The following LAMA2 variants were observed in gnomAD, a reference collection of about 807,000 sequenced individuals.
LAMA2 encodes the protein laminin subunit alpha-2.
Under a neutral mutation model 364.8 loss-of-function variants are expected in LAMA2, and 269 were observed. The observed-to-expected ratio is 0.74, with a 90% CI of 0.67 to 0.82. LAMA2 has a LOEUF of 0.82. LAMA2 is among the 40% of genes least tolerant of loss of function. The pLI is 0.00. For missense variants in LAMA2, 3,807 were observed against 3,873.2 expected (o/e 0.98, Z 0.45); for synonymous variants, 1,379 against 1,370.6 (o/e 1.01, Z -0.14).
rs1029436082 is a variant in LAMA2, at chr6:129,463,294, G to A, written c.6993-996G>A. Among the ~76,000 whole-genome samples the A allele has an allele frequency of 2.0e-5, 3 of 151,996 alleles. No homozygotes were observed. In the East Asian group the frequency reaches 5.8e-4, roughly 29 times the overall value. ...CTTTTTTAGTAAATGCATTCAGAAT[G>A]AATAGGATAACTCTATTCTATTCTA... On this transcript the variant is annotated intron_variant, in intron 49 of 64. Transcript: ENST00000421865.
chr6:129,359,770 C>T (rs999540301), intron 32 of LAMA2, among the ~76,000 whole-genome samples: 2 of 152,082 alleles, frequency 1.3e-5, no homozygotes, highest in Non-Finnish European at 2.9e-5. Context: ...TTCAAAAATA[C>T]TCAGTGTCCT....
chr6:129,373,045 C>A (rs1778176505), intron 34 of LAMA2, among the ~76,000 whole-genome samples: 2 of 152,092 alleles, frequency 1.3e-5, no homozygotes, highest in Non-Finnish European at 2.9e-5. Flanking sequence ...AGTCCTTTAT[C>A]AGATATGTCT....
chr6:129,125,428 T>C (rs960690733), intron 4 of LAMA2, among the ~76,000 whole-genome samples: 2 of 152,126 alleles, frequency 1.3e-5, no homozygotes, highest in Non-Finnish European at 2.9e-5. Flanking sequence ...AGTAACAGTC[T>C]GAGAACTGAG....
At chr6:129,124,243 G>A (rs1309589565) in intron 4 of LAMA2, among the ~76,000 whole-genome samples, 1 of 152,158 alleles carries the variant, frequency 6.6e-6, no homozygotes, top group Non-Finnish European at 1.5e-5. Context: ...TTGAAACCAG[G>A]TGCACAGACC....
At chr6:129,259,008 T>C (rs900308488) in intron 14 of LAMA2, among the ~76,000 whole-genome samples, 2 of 152,070 alleles carry the variant, frequency 1.3e-5, no homozygotes, top group Non-Finnish European at 2.9e-5. Context: ...GTTTAGAGGG[T>C]GCCATCTGGC....
At chr6:129,165,409 C>A (rs1269058678) in intron 8 of LAMA2, among the ~76,000 whole-genome samples, 167 bp from the exon 9 acceptor site, 1 of 151,910 alleles carries the variant, frequency 6.6e-6, no homozygotes, top group Non-Finnish European at 1.5e-5. Flanking sequence ...TGTAAAAGAA[C>A]TGGATTTTAG....
chr6:129,176,401 T>C (rs1021761944), intron 9 of LAMA2, among the ~76,000 whole-genome samples: 1 of 152,024 alleles, frequency 6.6e-6, no homozygotes, highest in Non-Finnish European at 1.5e-5. Flanking sequence ...AATCACAAAC[T>C]ATGGTAAATA....
intron 5 of LAMA2, 43 bp downstream of exon 5, chr6:129,144,123 C>T (rs1462121740): frequency 6.1e-6 from 9 of 1,473,394 alleles, no homozygotes; most frequent in Non-Finnish European, 8.5e-6. Flanking sequence ...AATGATATCC[C>T]ACTTATCTTT....
chr6:129,418,628 A>G (rs1780920001), intron 40 of LAMA2, among the ~76,000 whole-genome samples: 1 of 152,070 alleles, frequency 6.6e-6, no homozygotes, highest in Non-Finnish European at 1.5e-5. Flanking sequence ...ATTAGGTTCA[A>G]GTTGTGTTCT....
At chr6:129,442,488 C>T (rs1327382413) in intron 43 of LAMA2, among the ~76,000 whole-genome samples, 1 of 152,168 alleles carries the variant, frequency 6.6e-6, no homozygotes, top group Non-Finnish European at 1.5e-5. Context: ...TCAAATATTA[C>T]TATCTCTGCT....
intron 3 of LAMA2, among the ~76,000 whole-genome samples, chr6:129,064,908 T>A (rs1057058718): frequency 1.3e-5 from 2 of 152,132 alleles, no homozygotes; most frequent in African/African-American, 4.8e-5. Flanking sequence ...CCAAACTTAT[T>A]TTATGAGGCC....
At chr6:129,481,208 CTTAT>C in intron 54 of LAMA2, 51 bp from the exon 55 acceptor site, 1 of 1,412,916 alleles carries the variant, frequency 7.1e-7, no homozygotes. Flanking sequence ...AGATGGAGAA[CTTAT>C]TTAAATTTTC....
intron 1 of LAMA2, among the ~76,000 whole-genome samples, chr6:129,010,905 A>G (rs138981492): frequency 1.0e-3 from 156 of 152,318 alleles, no homozygotes; most frequent in Non-Finnish European, 1.9e-3. Flanking sequence ...TACTGTGTAT[A>G]CATATACACC....
chr6:129,442,191 G>T (rs1262424082), intron 43 of LAMA2: 1 of 1,319,246 alleles, frequency 7.6e-7, no homozygotes, highest in Non-Finnish European at 1.0e-6. Context: ...TTTGAGTGGG[G>T]AATGGAGCCT....
intron 39 of LAMA2, 127 bp downstream of exon 39, chr6:129,402,614 G>T: frequency 1.0e-6 from 1 of 953,816 alleles, no homozygotes; most frequent in South Asian, 1.4e-5. Flanking sequence ...CTAGCTATAT[G>T]GCCTTTCTGT....
At chr6:129,274,532 T>C (rs1788169223) in intron 17 of LAMA2, among the ~76,000 whole-genome samples, 1 of 151,958 alleles carries the variant, frequency 6.6e-6, no homozygotes, top group African/African-American at 2.4e-5. Context: ...ATCTTATAGA[T>C]CACAAGCATT....
chr6:128,930,016 C>T (rs1779359251), intron 1 of LAMA2: 1 of 502,440 alleles, frequency 2.0e-6, no homozygotes, highest in Non-Finnish European at 3.6e-6. Context: ...CTGCCAGCCT[C>T]GGCGTTGCAG....
intron 27 of LAMA2, among the ~76,000 whole-genome samples, chr6:129,319,308 T>C (rs1371543489): frequency 2.6e-5 from 4 of 152,206 alleles, no homozygotes; most frequent in Admixed American, 1.3e-4. Flanking sequence ...GTTGTCTGTT[T>C]GCAAGAATAT....
chr6:129,450,775 A>G (rs536311373), intron 45 of LAMA2, among the ~76,000 whole-genome samples: 1 of 152,348 alleles, frequency 6.6e-6, no homozygotes, highest in African/African-American at 2.4e-5. Flanking sequence ...AGAATTGGAT[A>G]TGATTGTCTG....
Sources: allele counts gnomAD v4.1 joint callset (sites outside exome capture counted in the v4.1 genomes callset), GRCh38; gene constraint gnomAD v4.1.1; transcripts MANE v1.5; gene names NCBI Gene and HGNC (gene_info 2026-07-23, HGNC 2026-07-21).